The following CYB5R3 variants were observed in gnomAD, a reference collection of about 807,000 sequenced individuals.
CYB5R3 encodes the protein cytochrome b5 reductase 3, also known as NADH-cytochrome b5 reductase 3.
CYB5R3 carries 28 observed loss-of-function variants against 36.5 expected under a neutral mutation model. That is an observed-to-expected ratio of 0.77 (90% CI 0.57 to 1.05). The LOEUF is 1.05. Among genes scored for constraint, CYB5R3 ranks in the 50% least tolerant of loss-of-function variants. The pLI is 0.00. For synonymous variants in CYB5R3, 181 were observed against 159.8 expected (o/e 1.13, Z -1.00); for missense variants, 474 against 408.9 (o/e 1.16, Z -1.37).
In CYB5R3 at chr22:42,630,888, G is replaced by A. The variant is rs577265778; in HGVS notation, c.327C>T (p.Val109=). Residue 109 remains valine, a synonymous_variant, in exon 4 of 9, where the codon GTC becomes GTT. Transcript: ENST00000352397. ...SDDDKGFVDL[V]IKVYFKDTHP... is the part of the protein sequence containing the mutation. The stretch of plus-strand genomic sequence containing the variant: ...CATGACCCAGAGGCTTCACCTTGAT[G>A]ACCAGGTCCACGAAGCCCTTGTCAT... 156 of 1,612,492 alleles carry A rather than the reference G, an allele frequency of 9.7e-5. No individual in the cohort carries two copies. The highest frequency in any genetic ancestry group is 1.2e-4 in the Non-Finnish European group (140 of 1,179,252).
chr22:42,633,398 G>A (rs1043892049), intron 2 of CYB5R3: 2 of 152,336 alleles, frequency 1.3e-5, no homozygotes, highest in African/African-American at 4.8e-5. Context: ...TCTGCACGGG[G>A]CCCTGGGATG....
At chr22:42,624,556 G>A (rs1395181130) in intron 7 of CYB5R3, among the ~76,000 whole-genome samples, 2 of 151,020 alleles carry the variant, frequency 1.3e-5, no homozygotes, top group African/African-American at 2.4e-5. Flanking sequence ...CCCTCCAGGG[G>A]CTATCAGGGA....
Position 42,619,625 on chromosome 22 carries a change from G to T in CYB5R3, c.*148C>A. 1.4e-6 allele frequency: 1 copy of T among 740,158 alleles called. No homozygotes were observed. Among genetic ancestry groups the T allele is most frequent in the Non-Finnish European group, 2.2e-6 (1 of 453,752 alleles). 45.8% of individuals were successfully genotyped at this position (740,158 alleles called of 1,614,324 possible). On this transcript the variant is annotated 3_prime_UTR_variant, in exon 9 of 9. Transcript: ENST00000352397. ...AGCCCTGCTCCCGAAGGGGCTCCAG[G>T]GGAACTGCTCAGCCAGGTGATTCAC...
chr22:42,632,618 T>G (rs1260585188), intron 2 of CYB5R3: 2 of 152,254 alleles, frequency 1.3e-5, no homozygotes, highest in Non-Finnish European at 1.5e-5. Flanking sequence ...CAGAAGCTTC[T>G]GCATTAGGGG....
chr22:42,634,482 T>C (rs954459150), intron 2 of CYB5R3, among the ~76,000 whole-genome samples: 2 of 151,982 alleles, frequency 1.3e-5, no homozygotes, highest in African/African-American at 4.8e-5. Flanking sequence ...GTTTCGCTCT[T>C]GTCACCCAGG....
At position 42,622,918 on chromosome 22, in the gene CYB5R3, T is replaced by C. The variant is rs144257131; in HGVS notation, c.733+871A>G. 3.4e-3 allele frequency among the ~76,000 whole-genome samples: 524 copies of C among 152,310 alleles called. 2 individuals are homozygous for C. Among genetic ancestry groups the C allele is most frequent in the African/African-American group, 0.012 (511 of 41,562 alleles). On this transcript the variant is annotated intron_variant, in intron 8 of 8. Coordinates refer to ENST00000352397, the MANE Select transcript of CYB5R3 (RefSeq NM_000398.7). Reference sequence around the variant, plus strand: ...AATGGTGCTTCCAACACTTAGAAATTTCCCAGAAAATGCAGGTCCCCAGCT... The same window carrying C: ...AATGGTGCTTCCAACACTTAGAAATCTCCCAGAAAATGCAGGTCCCCAGCT...
rs148856876 is a variant in CYB5R3 at position 42,640,258 on chromosome 22, C to T, written c.22-3412G>A. On this transcript the variant is annotated intron_variant, in intron 1 of 8. Transcript: ENST00000352397. Reference sequence around the variant, plus strand: ...TGCTGGGGTCTTCTCCACAAGGTTACGGACAAATGGAGCCATGGTTCTGGG... The same window carrying T: ...TGCTGGGGTCTTCTCCACAAGGTTATGGACAAATGGAGCCATGGTTCTGGG... 1,273 of 1,567,486 alleles carry T rather than the reference C, an allele frequency of 8.1e-4. 5 individuals carry two copies. The African/African-American group carries it at 0.014, about 18-fold the overall frequency.
chr22:42,646,503 TG>T, intron 1 of CYB5R3: 1 of 256,306 alleles, frequency 3.9e-6, no homozygotes, highest in Non-Finnish European at 6.1e-6. Flanking sequence ...ACTGGGACCC[TG>T]GCCTCCACTC....
chr22:42,629,657 G>A (rs531034883), intron 4 of CYB5R3, among the ~76,000 whole-genome samples: 29 of 152,280 alleles, frequency 1.9e-4, no homozygotes, highest in Non-Finnish European at 2.9e-4. Flanking sequence ...CCTCAGCTAC[G>A]GCCCAGTAAG....
chr22:42,647,573 C>CCCTGTCTCTACTAAAGTACAAAAAATAG (rs376525577), intron 1 of CYB5R3, among the ~76,000 whole-genome samples: 1 of 151,642 alleles, frequency 6.6e-6, no homozygotes, highest in Non-Finnish European at 1.5e-5. Context: ...GATGGCGAAG[C>CCCTGTCTCTACTAAAGTACAAAAAATAG]CCAGGTGTGA....
chr22:42,648,992 G>C (rs576771763), intron 1 of CYB5R3, among the ~76,000 whole-genome samples: 2 of 152,310 alleles, frequency 1.3e-5, no homozygotes, highest in East Asian at 1.9e-4. Flanking sequence ...CCCTCCAGCA[G>C]CCAAGGCCCC....
In CYB5R3 at chr22:42,623,815, CA is replaced by C. The variant is rs1928115765; in HGVS notation, c.706del (p.Trp236GlyfsTer18). The C allele has an allele frequency of 6.2e-7, 1 of 1,614,030 alleles. No homozygotes were observed. The highest frequency in any genetic ancestry group is 1.7e-5 in the Admixed American group (1 of 60,000). On this transcript the variant is annotated frameshift_variant, in exon 8 of 9. Coordinates refer to ENST00000352397, the MANE Select transcript of CYB5R3 (RefSeq NM_000398.7). LOFTEE classifies it high-confidence loss of function. ...TTCAGGGGCTCTGTCCAGCGTGTACCAGAGCTTGAAGCGTGCAGAATGTTTG... is the reference window on the plus strand; with the variant it reads ...TTCAGGGGCTCTGTCCAGCGTGTACCGAGCTTGAAGCGTGCAGAATGTTTG... The part of the protein sequence containing the change: ...RNKHSARFKL[W>X]YTLDRAPEAW...
At chr22:42,623,544 G>C (rs779469490) in intron 8 of CYB5R3, among the ~76,000 whole-genome samples, 31 of 152,194 alleles carry the variant, frequency 2.0e-4, no homozygotes, top group Admixed American at 1.2e-3. Flanking sequence ...CAGTGCGCCC[G>C]GGAAAGGACT....
chr22:42,627,443 C>T, intron 6 of CYB5R3, 54 bp from the exon 7 acceptor site: 2 of 1,575,092 alleles, frequency 1.3e-6, no homozygotes, highest in Non-Finnish European at 1.7e-6. Flanking sequence ...TGTTCACAGG[C>T]ACCGCCCCGC....
At chr22:42,645,893 C>A (rs529430434) in intron 1 of CYB5R3, among the ~76,000 whole-genome samples, 1 of 152,296 alleles carries the variant, frequency 6.6e-6, no homozygotes, top group African/African-American at 2.4e-5. Context: ...GTCCCATGTG[C>A]AACGCAGGGG....
intron 7 of CYB5R3, 56 bp from the exon 8 acceptor site, chr22:42,623,944 G>T: frequency 6.7e-7 from 1 of 1,486,912 alleles, no homozygotes; most frequent in Non-Finnish European, 9.4e-7. Flanking sequence ...TGCCCCTGGA[G>T]ACACTCAACA....
chr22:42,631,669 G>A (rs1180222548), intron 2 of CYB5R3: 2 of 606,018 alleles, frequency 3.3e-6, no homozygotes, highest in African/African-American at 1.8e-5. Flanking sequence ...GGGTGTGTCT[G>A]TCCTGCTGGC....
At position 42,649,342 on chromosome 22, in the gene CYB5R3, TCGC is replaced by T. The variant is rs529486436; in HGVS notation, c.-30_-28del. On this transcript the variant is annotated 5_prime_UTR_variant, in exon 1 of 9. Coordinates refer to ENST00000352397, the MANE Select transcript of CYB5R3 (RefSeq NM_000398.7). ...GTGGCCCCGCGCCGCGCTCGCTCTG[TCGC>T]CGCCGCCGCCGCCGCCGAGACCGTC... is the stretch of plus-strand genomic sequence containing the variant. The T allele has an allele frequency of 1.8e-3, 1,763 of 967,032 alleles. 11 individuals are homozygous for T. The highest frequency in any genetic ancestry group is 0.014 in the African/African-American group (797 of 56,246). The allele number at this position is 967,032 out of a possible 1,614,324, so 59.9% of individuals were successfully genotyped here. A position where few individuals can be genotyped will look rare whatever the true frequency, so the allele number is the denominator to read the frequency against.
At chr22:42,646,071 G>C (rs1422226694) in intron 1 of CYB5R3, among the ~76,000 whole-genome samples, 1 of 152,152 alleles carries the variant, frequency 6.6e-6, no homozygotes, top group Non-Finnish European at 1.5e-5. Flanking sequence ...CTACCCACAC[G>C]GGTTGGAACA....
Sources: gnomAD v4.1 joint callset for allele counts (sites outside exome capture counted in the v4.1 genomes callset) on GRCh38, gnomAD v4.1.1 for gene constraint, MANE v1.5 for transcripts, NCBI Gene and HGNC (gene_info 2026-07-23, HGNC 2026-07-21) for gene names.